Variants in MEOX2 observed in about 807,000 individuals in gnomAD.
MEOX2 encodes the protein mesenchyme homeobox 2.
Under a neutral mutation model 27.0 loss-of-function variants are expected in MEOX2, and 11 were observed. The observed-to-expected ratio is 0.41, with a 90% CI of 0.26 to 0.68. The LOEUF (loss-of-function observed/expected upper bound fraction) is 0.68, where lower values mean the gene tolerates loss of function less well. Ranked by LOEUF, MEOX2 falls within the 30% of genes least tolerant of loss-of-function variation. MEOX2 has a pLI of 0.33. For synonymous variants in MEOX2, 189 were observed against 155.4 expected, an observed-to-expected ratio of 1.22 and a Z score of -1.61; for missense variants, 436 against 385.4, an observed-to-expected ratio of 1.13 and a Z score of -1.10.
intron 1 of MEOX2, chr7:15,681,452 T>C (rs1027094323): frequency 6.6e-6 from 1 of 150,640 alleles, no homozygotes; most frequent in African/African-American, 2.5e-5. Flanking sequence ...TATTAATTCA[T>C]CTATAGATTT....
At chr7:15,642,901 G>A (rs1781584516) in intron 1 of MEOX2, among the ~76,000 whole-genome samples, 1 of 152,136 alleles carries the variant, frequency 6.6e-6, no homozygotes, top group African/African-American at 2.4e-5. Flanking sequence ...CCTTAGTTTA[G>A]TGGTTTTCTT....
chr7:15,615,813 C>G (rs1327756806), intron 2 of MEOX2, among the ~76,000 whole-genome samples: 1 of 151,902 alleles, frequency 6.6e-6, no homozygotes, highest in Non-Finnish European at 1.5e-5. Flanking sequence ...TCATTGTCAC[C>G]AAGAGCTGAA....
intron 1 of MEOX2, among the ~76,000 whole-genome samples, chr7:15,659,431 T>A (rs1356599627): frequency 6.6e-6 from 1 of 152,074 alleles, no homozygotes. Flanking sequence ...TGTGTCAAAG[T>A]ATCTGTAATG....
At chr7:15,676,829 G>T (rs1782201372) in intron 1 of MEOX2, among the ~76,000 whole-genome samples, 1 of 151,358 alleles carries the variant, frequency 6.6e-6, no homozygotes. Flanking sequence ...CTGCACTCCA[G>T]CCTGGGCAAC....
chr7:15,645,756 C>A (rs115018594), intron 1 of MEOX2, among the ~76,000 whole-genome samples: 2,666 of 152,108 alleles, frequency 0.018, 89 homozygotes, highest in African/African-American at 0.062. Flanking sequence ...ATGCAGAGTG[C>A]CTGACCTCTA....
chr7:15,654,497 C>G (rs569717699), intron 1 of MEOX2, among the ~76,000 whole-genome samples: 12 of 151,570 alleles, frequency 7.9e-5, no homozygotes, highest in Non-Finnish European at 1.6e-4. Context: ...AAGGGTAAAA[C>G]ATTCAGTCTT....
chr7:15,646,169 T>C (rs928620255), intron 1 of MEOX2, among the ~76,000 whole-genome samples: 4 of 152,100 alleles, frequency 2.6e-5, no homozygotes, highest in African/African-American at 9.6e-5. Flanking sequence ...AGTTTTAACA[T>C]CTCTCTACTC....
At position 15,626,837 on chromosome 7, in the gene MEOX2, C is replaced by G. The variant is rs1415758190; in HGVS notation, c.599G>C (p.Arg200Thr). ...ATGGGCAAATTCTGCTTCAAGTTCT[C>G]TGATTTGCTCTTTGGTAAATGCTGT... ...ERTAFTKEQIRELEAEFAHHN... is the reference protein window; with the variant it reads ...ERTAFTKEQITELEAEFAHHN... The change falls in exon 2 of 3, where the codon AGA (arginine) becomes ACA (threonine). Residue 200 changes from arginine to threonine, a missense_variant. By Grantham distance (71) the Arg-to-Thr change is moderately conservative. Coordinates refer to ENST00000262041, the MANE Select transcript of MEOX2 (RefSeq NM_005924.5). The G allele has an allele frequency of 2.5e-6, 4 of 1,611,574 alleles. No homozygotes were observed.
intron 1 of MEOX2, among the ~76,000 whole-genome samples, chr7:15,658,284 T>C (rs1017216274): frequency 4.6e-5 from 7 of 152,136 alleles, no homozygotes; most frequent in African/African-American, 4.8e-5. Flanking sequence ...CATTAAAGCC[T>C]GGTGAGGGTG....
Position 15,631,906 on chromosome 7 carries a change from A to ATGTG in MEOX2, c.518-4992_518-4989dup, listed in dbSNP as rs146116757. On this transcript the variant is annotated intron_variant, in intron 1 of 2. Coordinates refer to ENST00000262041, the MANE Select transcript of MEOX2 (RefSeq NM_005924.5). The stretch of plus-strand genomic sequence containing the variant: ...AAAGAGCAAGTTAAGCCAAGGTTAA[A>ATGTG]TGTGTGTGTGTGTGTGTGTGTGTGT... Among the ~76,000 whole-genome samples, 1,139 of 129,424 alleles carry ATGTG rather than the reference A, an allele frequency of 8.8e-3. 12 individuals are homozygous for ATGTG. The highest frequency in any genetic ancestry group is 0.015 in the Middle Eastern group (4 of 266). The allele number at this position is 129,424 out of a possible 152,430, so 84.9% of individuals were successfully genotyped here.
intron 1 of MEOX2, among the ~76,000 whole-genome samples, chr7:15,631,932 G>GTGTGTGTGTGTGTGTGTGTGT (rs371386224): frequency 3.3e-4 from 49 of 149,914 alleles, no homozygotes; most frequent in South Asian, 1.0e-3. Context: ...GTGTGTGTGT[G>GTGTGTGTGTGTGTGTGTGTGT]GAGAGAAAGA....
chr7:15,675,701 T>C (rs1782182286), intron 1 of MEOX2, among the ~76,000 whole-genome samples: 1 of 152,194 alleles, frequency 6.6e-6, no homozygotes, highest in African/African-American at 2.4e-5. Flanking sequence ...TGTTTAAATA[T>C]TACAGGTTAC....
chr7:15,613,233 C>T (rs2115351270), intron 2 of MEOX2, among the ~76,000 whole-genome samples: 1 of 152,126 alleles, frequency 6.6e-6, no homozygotes, highest in East Asian at 1.9e-4. Context: ...AATATGGTCA[C>T]AATAAAAAAT....
chr7:15,686,237 C>T lies in MEOX2; in HGVS notation c.166G>A (p.Glu56Lys). The change falls in exon 1 of 3, where the codon GAA (glutamate) becomes AAA (lysine). Residue 56 changes from glutamate to lysine, a missense_variant. Physicochemically the swap from Glu to Lys is moderately conservative, Grantham distance 56. Transcript: ENST00000262041. ...SSCIIAGYPN[E>K]EGMFASQHHR... ...TGCTGGCTGGCAAACATGCCCTCTT[C>T]GTTGGGGTATCCCGCGATTATGCAA... 1 of 1,612,400 alleles carries T rather than the reference C, an allele frequency of 6.2e-7. No homozygotes were observed. Among genetic ancestry groups the T allele is most frequent in the Non-Finnish European group, 8.5e-7 (1 of 1,179,270 alleles).
At chr7:15,646,997 C>G (rs1294319300) in intron 1 of MEOX2, among the ~76,000 whole-genome samples, 3 of 151,726 alleles carry the variant, frequency 2.0e-5, no homozygotes, top group Non-Finnish European at 4.4e-5. Context: ...ACATACTCCC[C>G]CAAGAAACAA....
chr7:15,616,424 T>G (rs1781124205), intron 2 of MEOX2, among the ~76,000 whole-genome samples: 1 of 151,774 alleles, frequency 6.6e-6, no homozygotes, highest in African/African-American at 2.4e-5. Context: ...ATTTTTCTAT[T>G]AGCATCACGG....
chr7:15,628,180 A>G (rs1215762851), intron 1 of MEOX2, among the ~76,000 whole-genome samples: 1 of 152,062 alleles, frequency 6.6e-6, no homozygotes, highest in Non-Finnish European at 1.5e-5. Flanking sequence ...ATGCTTAAAT[A>G]TGCTAAGAAG....
chr7:15,626,457 G>C (rs1781308198), intron 2 of MEOX2, among the ~76,000 whole-genome samples: 1 of 151,952 alleles, frequency 6.6e-6, no homozygotes, highest in Non-Finnish European at 1.5e-5. Flanking sequence ...ACTCCTCACT[G>C]TATGCCATCA....
rs539678453 is a variant in MEOX2 at position 15,664,411 on chromosome 7, A to T, written c.517+21475T>A. ...ATGTGCAGTTACTTTGGAGGTACTC[A>T]TTTATTTTGATTGAGGTAAACAACA... On this transcript the variant is annotated intron_variant, in intron 1 of 2. Coordinates refer to ENST00000262041, the MANE Select transcript of MEOX2 (RefSeq NM_005924.5). Among the ~76,000 whole-genome samples, 3 of 152,202 alleles carry T rather than the reference A, an allele frequency of 2.0e-5. No individual in the cohort carries two copies. The South Asian group carries it at 6.2e-4, about 32-fold the overall frequency.
Sources: allele counts gnomAD v4.1 joint callset (sites outside exome capture counted in the v4.1 genomes callset), GRCh38; gene constraint gnomAD v4.1.1; transcripts MANE v1.5; gene names NCBI Gene and HGNC (gene_info 2026-07-23, HGNC 2026-07-21).